LPP: variants seen among roughly 807,000 people sequenced by gnomAD.
The protein encoded by LPP is LIM domain containing preferred translocation partner in lipoma.
Under a neutral mutation model 60.4 loss-of-function variants are expected in LPP, and 38 were observed. The observed-to-expected ratio is 0.63, with a 90% CI of 0.49 to 0.83. The LOEUF is 0.83. Ranked by LOEUF, LPP falls within the 40% of genes least tolerant of loss-of-function variation. The pLI is 0.00. For missense variants in LPP, 902 were observed against 783.6 expected (o/e 1.15, Z -1.80); for synonymous variants, 328 against 290.8 (o/e 1.13, Z -1.30).
chr3:188,311,517 CTAAACTAAACTAAAA>C (rs1306107895), intron 2 of LPP, among the ~76,000 whole-genome samples: 1 of 150,112 alleles, frequency 6.7e-6, no homozygotes, highest in Non-Finnish European at 1.5e-5. Context: ...CTAAACTAAA[CTAAACTAAACTAAAA>C]GTAAGATAAA....
intron 7 of LPP, among the ~76,000 whole-genome samples, chr3:188,648,019 G>A (rs1188034431): frequency 6.6e-6 from 1 of 152,138 alleles, no homozygotes; most frequent in African/African-American, 2.4e-5. Context: ...TCTGCTTGTT[G>A]TGAGGTTCAA....
chr3:188,443,981 T>C (rs972610569), intron 4 of LPP, among the ~76,000 whole-genome samples: 2 of 152,226 alleles, frequency 1.3e-5, no homozygotes, highest in Non-Finnish European at 1.5e-5. Context: ...AAGAATGTAC[T>C]TTTAGTGGAC....
Position 188,375,424 on chromosome 3 carries a change from G to T in LPP, c.-9-30688G>T, listed in dbSNP as rs532367247. On this transcript the variant is annotated intron_variant, in intron 3 of 11. Coordinates refer to ENST00000617246, the MANE Select transcript of LPP (RefSeq NM_001375462.1). ...TGTTCAGAGATTCAGCTTCTTCCTT[G>T]TTTAGGCTTGGGAGGATGTATGTGT... Among the ~76,000 whole-genome samples the T allele has an allele frequency of 1.3e-5, 2 of 152,236 alleles. 1 individual carries two copies. Among genetic ancestry groups the T allele is most frequent in the South Asian group, 4.1e-4 (2 of 4,828 alleles).
chr3:188,739,626 C>A (rs1019834255), intron 8 of LPP, among the ~76,000 whole-genome samples: 1 of 152,042 alleles, frequency 6.6e-6, no homozygotes, highest in Non-Finnish European at 1.5e-5. Flanking sequence ...TAAGATAAAT[C>A]TAGAAATCTA....
Position 188,596,474 on chromosome 3 carries a change from T to C in LPP, c.430-12687T>C, listed in dbSNP as rs139063338. Among the ~76,000 whole-genome samples the C allele has an allele frequency of 7.7e-3, 1,175 of 152,290 alleles. 17 individuals are homozygous for C. The highest frequency in any genetic ancestry group is 0.026 in the African/African-American group (1,095 of 41,572). On this transcript the variant is annotated intron_variant, in intron 6 of 11. Coordinates refer to ENST00000617246, the MANE Select transcript of LPP (RefSeq NM_001375462.1). The stretch of plus-strand genomic sequence containing the variant: ...ATTCCTTTTATCCATCTACAATCAG[T>C]GGACAGACAACTCCATTTTGAAGAA...
At chr3:188,511,218 T>C (rs1412251839) in intron 5 of LPP, among the ~76,000 whole-genome samples, 3 of 99,844 alleles carry the variant, frequency 3.0e-5, no homozygotes, top group East Asian at 4.8e-4. Flanking sequence ...CTTCCTCCCT[T>C]CCTTCCTCCC....
intron 4 of LPP, among the ~76,000 whole-genome samples, chr3:188,475,066 A>G (rs1414775947): frequency 6.6e-6 from 1 of 152,250 alleles, no homozygotes; most frequent in Non-Finnish European, 1.5e-5. Flanking sequence ...CAACCACTGC[A>G]TGACAGAGAA....
intron 9 of LPP, among the ~76,000 whole-genome samples, chr3:188,847,692 T>A (rs1761783812): frequency 6.6e-6 from 1 of 152,232 alleles, no homozygotes; most frequent in Non-Finnish European, 1.5e-5. Context: ...CAGGCAAATA[T>A]CTGTTCTTGA....
rs144081893 is a variant in LPP, at chr3:188,524,683, A to T, written c.325A>T (p.Thr109Ser). 1 of 1,613,650 alleles carries T rather than the reference A, an allele frequency of 6.2e-7. No homozygotes were observed. ...FKVQGNPGGK[T>S]LEERRSSLDA... Reference sequence around the variant, plus strand: ...CCAACAGGGGAATCCCGGAGGCAAGACACTTGAGGAGAGGCGCTCCAGCCT... The same window carrying T: ...CCAACAGGGGAATCCCGGAGGCAAGTCACTTGAGGAGAGGCGCTCCAGCCT... The change falls in exon 6 of 12, where the codon ACA becomes TCA. Residue 109 changes from threonine (T) to serine (S), a missense_variant. By Grantham distance (58) the Thr-to-Ser change is moderately conservative. Coordinates refer to ENST00000617246, the MANE Select transcript of LPP (RefSeq NM_001375462.1).
At chr3:188,792,104 G>T (rs977374749) in intron 9 of LPP, among the ~76,000 whole-genome samples, 3 of 152,064 alleles carry the variant, frequency 2.0e-5, no homozygotes, top group Non-Finnish European at 4.4e-5. Context: ...CATCCTCCTG[G>T]TTCTGTTCTC....
chr3:188,487,568 G>A (rs1806940592), intron 5 of LPP, among the ~76,000 whole-genome samples: 1 of 152,242 alleles, frequency 6.6e-6, no homozygotes, highest in Non-Finnish European at 1.5e-5. Flanking sequence ...CTGGTAGGGA[G>A]AGGCCTGTTA....
At chr3:188,829,296 C>T (rs1325633620) in intron 9 of LPP, among the ~76,000 whole-genome samples, 1 of 152,144 alleles carries the variant, frequency 6.6e-6, no homozygotes, top group Non-Finnish European at 1.5e-5. Context: ...GTCCTTGTCT[C>T]AATGACCTGC....
intron 5 of LPP, among the ~76,000 whole-genome samples, chr3:188,523,249 C>A (rs1255396351): frequency 6.6e-6 from 1 of 152,122 alleles, no homozygotes; most frequent in Admixed American, 6.6e-5. Flanking sequence ...AGGAAGCCAA[C>A]TGCCTCTTGA....
chr3:188,369,676 A>T (rs1426254345), intron 3 of LPP, among the ~76,000 whole-genome samples: 1 of 152,178 alleles, frequency 6.6e-6, no homozygotes, highest in African/African-American at 2.4e-5. Flanking sequence ...CGATAAGCTC[A>T]CTTAATTCTG....
chr3:188,441,609 CTTTTTT>C lies in LPP; in HGVS notation c.193+35320_193+35325del, dbSNP rs1004222826. On this transcript the variant is annotated intron_variant, in intron 4 of 11. Coordinates refer to ENST00000617246, the MANE Select transcript of LPP (RefSeq NM_001375462.1). ...ACAGTTTCTTTTTTTCTTTTCTTTT[CTTTTTT>C]TTTTTTTTTTTTTTTTTTTTTTTGA... Among the ~76,000 whole-genome samples the C allele has an allele frequency of 5.6e-4, 31 of 55,662 alleles. 1 individual carries two copies. The highest frequency in any genetic ancestry group is 3.5e-3 in the South Asian group (4 of 1,156). The allele number at this position is 55,662 out of a possible 152,430, so 36.5% of individuals were successfully genotyped here.
In LPP at chr3:188,191,636, G is replaced by A. The variant is rs180883376; in HGVS notation, c.-189-33769G>A. On this transcript the variant is annotated intron_variant, in intron 1 of 11. Transcript: ENST00000617246. ...ACACAGCAGTCAGGTCAGCCAGTGA[G>A]CAAACACTCACTGAAGGTCCACTGT... Among the ~76,000 whole-genome samples, 58 of 152,298 alleles carry A rather than the reference G, an allele frequency of 3.8e-4. 2 individuals carry two copies. Among genetic ancestry groups the A allele is most frequent in the Admixed American group, 3.4e-3 (52 of 15,306 alleles).
In LPP at chr3:188,884,768, C is replaced by A; in HGVS notation, c.*10289C>A. ...AGAGGCAGAAACCGCCGTAGGTTAGCAATGCATTTTAGTCTTTCTCTCCAT... is the reference window on the plus strand; with the variant it reads ...AGAGGCAGAAACCGCCGTAGGTTAGAAATGCATTTTAGTCTTTCTCTCCAT... On this transcript the variant is annotated 3_prime_UTR_variant, in exon 12 of 12. Coordinates refer to ENST00000617246, the MANE Select transcript of LPP (RefSeq NM_001375462.1). The A allele has an allele frequency of 4.4e-6, 1 of 226,248 alleles. No homozygotes were observed. The highest frequency in any genetic ancestry group is 1.8e-4 in the South Asian group (1 of 5,466). 14.0% of individuals were successfully genotyped at this position (226,248 alleles called of 1,614,324 possible).
intron 4 of LPP, among the ~76,000 whole-genome samples, chr3:188,454,828 C>T (rs1053310115): frequency 1.5e-4 from 23 of 152,246 alleles, no homozygotes; most frequent in Middle Eastern, 3.4e-3. Flanking sequence ...TGATCTCCCA[C>T]GGCATCCCTC....
At chr3:188,759,995 C>A in intron 8 of LPP, 118 bp from the exon 9 acceptor site, 1 of 779,946 alleles carries the variant, frequency 1.3e-6, no homozygotes, top group African/African-American at 1.7e-5. Context: ...GGGGTAATGA[C>A]GGCAGGAGTG....
Sources: allele counts gnomAD v4.1 joint callset (sites outside exome capture counted in the v4.1 genomes callset), GRCh38; gene constraint gnomAD v4.1.1; transcripts MANE v1.5; gene names NCBI Gene and HGNC (gene_info 2026-07-23, HGNC 2026-07-21).